Variants in DNAH2 observed in about 807,000 individuals in gnomAD.
The protein encoded by DNAH2 is axonemal beta dynein heavy chain 2.
In DNAH2, 323 loss-of-function variants were observed where a neutral mutation model predicts 523.5. That is an observed-to-expected ratio of 0.62 (90% CI 0.56 to 0.68). The LOEUF (loss-of-function observed/expected upper bound fraction) is 0.68. Among genes scored for constraint, DNAH2 ranks in the 30% least tolerant of loss-of-function variants. The probability of loss-of-function intolerance (pLI) is 0.00; values close to 1 mark genes in which losing one functional copy is unlikely to be tolerated. For synonymous variants in DNAH2, 2,093 were observed against 2,177.4 expected, an observed-to-expected ratio of 0.96 and a Z score of 1.08; for missense variants, 4,907 against 5,701.5, an observed-to-expected ratio of 0.86 and a Z score of 4.49.
rs1252877567 is a variant in DNAH2 at position 7,771,314 on chromosome 17, C to T, written c.4363-16C>T. 8.1e-6 allele frequency: 13 copies of T among 1,614,058 alleles called. No homozygotes were observed. Among genetic ancestry groups the T allele is most frequent in the Non-Finnish European group, 1.1e-5 (13 of 1,179,946 alleles). On this transcript the variant is annotated splice_polypyrimidine_tract_variant and intron_variant, in intron 27 of 85. Coordinates refer to ENST00000572933, the MANE Select transcript of DNAH2 (RefSeq NM_020877.5). The stretch of plus-strand genomic sequence containing the variant: ...TGTAAGAAGTGGCCTCTCACCCCAA[C>T]TTTTGGCCCCCTCAGAATATCTTCC...
chr17:7,738,521 G>A (rs1244064793), intron 8 of DNAH2, among the ~76,000 whole-genome samples: 1 of 152,012 alleles, frequency 6.6e-6, no homozygotes, highest in Non-Finnish European at 1.5e-5. Flanking sequence ...AGTAGAGACA[G>A]GGTTTCACCG....
chr17:7,770,431 T>C (rs2076283016), intron 25 of DNAH2, 23 bp downstream of exon 25: 2 of 1,611,370 alleles, frequency 1.2e-6, no homozygotes, highest in Non-Finnish European at 1.7e-6. Flanking sequence ...CCTCCCATGC[T>C]CCCACACCTC....
In DNAH2 at chr17:7,760,057, TG is replaced by T. The variant is rs1048204665; in HGVS notation, c.2785+123del. ...TACTGGGCCAGTCACCTCCCTGACC[TG>T]GGGAAAACTCAGGTCAAGGGGCCAG... On this transcript the variant is annotated intron_variant, in intron 17 of 85. Coordinates refer to ENST00000572933, the MANE Select transcript of DNAH2 (RefSeq NM_020877.5). This position sits in a 1 kb window ranked among gnomAD's most constrained non-coding sequence, Gnocchi z 4.0. The T allele has an allele frequency of 1.4e-5, 21 of 1,480,594 alleles. No individual in the cohort carries two copies. Among genetic ancestry groups the T allele is most frequent in the Non-Finnish European group, 1.5e-5 (16 of 1,080,710 alleles). 91.7% of individuals were successfully genotyped at this position (1,480,594 alleles called of 1,614,324 possible).
Position 7,805,269 on chromosome 17 carries a change from CAAG to C in DNAH2, c.9322_9324del (p.Lys3108del). ...TCCCCCAGGCCCTGGAGTCTCTGAA[CAAG>C]AAGGATATAGGAGAGATCAAGTCTT... On this transcript the variant is annotated inframe_deletion, in exon 61 of 86. Coordinates refer to ENST00000572933, the MANE Select transcript of DNAH2 (RefSeq NM_020877.5). 1.9e-6 allele frequency: 3 copies of C among 1,614,188 alleles called. No individual in the cohort carries two copies. Among genetic ancestry groups the C allele is most frequent in the Non-Finnish European group, 2.5e-6 (3 of 1,180,044 alleles).
At position 7,831,428 on chromosome 17, in the gene DNAH2, T is replaced by C. The variant is rs1285794719; in HGVS notation, c.12498T>C (p.Pro4166=). ...CCGCTGATGTGAAGCAGAAGATCCC[T>C]GAAATGATCGACTATGAGGGGACTC... ...ELAADVKQKI[P]EMIDYEGTQK... is the part of the protein sequence containing the mutation. Residue 4166 remains proline (P), a synonymous_variant, in exon 81 of 86, where the codon CCT becomes CCC. Transcript: ENST00000572933. This position sits in a 1 kb window ranked among gnomAD's most constrained non-coding sequence, Gnocchi z 4.2. 2.4e-5 allele frequency: 38 copies of C among 1,614,062 alleles called. No homozygotes were observed. Among genetic ancestry groups the C allele is most frequent in the Non-Finnish European group, 3.1e-5 (36 of 1,180,046 alleles).
intron 12 of DNAH2, among the ~76,000 whole-genome samples, chr17:7,747,056 C>G (rs1005721589): frequency 6.0e-5 from 9 of 151,156 alleles, no homozygotes; most frequent in African/African-American, 2.2e-4. Context: ...TATCCCCAAT[C>G]CCTAGAGGTA....
In DNAH2 at chr17:7,833,170, A is replaced by C; in HGVS notation, c.13078A>C (p.Met4360Leu). 1 of 1,609,728 alleles carries C rather than the reference A, an allele frequency of 6.2e-7. No homozygotes were observed. The highest frequency in any genetic ancestry group is 1.1e-5 in the South Asian group (1 of 91,074). ...EAEPMQLVCL[M>L]PTIHFRPAES... ...AGAGCCCATGCAGCTTGTCTGCCTC[A>C]TGCCCACGATCCACTTCCGGCCTGC... is the stretch of plus-strand genomic sequence containing the variant. The change falls in exon 85 of 86, where the codon ATG (methionine) becomes CTG (leucine). Residue 4360 changes from methionine (M) to leucine (L), a missense_variant. By Grantham distance (15) the Met-to-Leu change is conservative. Coordinates refer to ENST00000572933, the MANE Select transcript of DNAH2 (RefSeq NM_020877.5).
chr17:7,765,673 G>A, intron 21 of DNAH2, 108 bp downstream of exon 21: 2 of 1,318,264 alleles, frequency 1.5e-6, no homozygotes, highest in African/African-American at 1.5e-5. Context: ...AGGAGGGTCG[G>A]TGCTGGGGTG....
chr17:7,825,679 T>A (rs766716714), intron 77 of DNAH2, among the ~76,000 whole-genome samples: 7 of 152,228 alleles, frequency 4.6e-5, no homozygotes, highest in Non-Finnish European at 1.0e-4. Context: ...CGTTTCTCAT[T>A]CTACTTTCTC....
intron 11 of DNAH2, among the ~76,000 whole-genome samples, chr17:7,741,255 T>TTTCC (rs1486472593): frequency 2.6e-5 from 1 of 38,708 alleles, no homozygotes; most frequent in African/African-American, 1.6e-4. Flanking sequence ...TCTTTCTTTC[T>TTTCC]TTCTTTCTTT....
chr17:7,741,315 C>CCT lies in DNAH2; in HGVS notation c.1689+323_1689+324insCT, dbSNP rs1555540838. On this transcript the variant is annotated intron_variant, in intron 11 of 85. Transcript: ENST00000572933. ...CTTTCTTCCTTCCTTCCCTCCCTCC[C>CCT]TCCCTCCCTCCTTCCTTCCTTCCTT... Among the ~76,000 whole-genome samples the CCT allele has an allele frequency of 6.2e-4, 25 of 40,096 alleles. 1 individual carries two copies. Among genetic ancestry groups the CCT allele is most frequent in the South Asian group, 1.2e-3 (1 of 804 alleles). The allele number at this position is 40,096 out of a possible 152,430, so 26.3% of individuals were successfully genotyped here.
Position 7,833,134 on chromosome 17 carries a change from T to A in DNAH2, c.13042T>A (p.Leu4348Met). The change falls in exon 85 of 86, where the codon TTG becomes ATG. Residue 4348 changes from leucine (L) to methionine (M), a missense_variant. By Grantham distance (15) the Leu-to-Met change is conservative (BLOSUM62 2). Around this residue, in one of 3 missense-constraint regions of DNAH2, gnomAD observed 1,851 missense variants for 2,139.4 expected, o/e 0.87. Transcript: ENST00000572933. ...TGGCTGGGACCGGAAGAACTCCTGC[T>A]TGGTGGAGGCAGAGCCCATGCAGCT... The part of the protein sequence containing the change: ...GAGWDRKNSC[L>M]VEAEPMQLVC... The A allele has an allele frequency of 6.2e-7, 1 of 1,612,270 alleles. No individual in the cohort carries two copies. Among genetic ancestry groups the A allele is most frequent in the African/African-American group, 1.3e-5 (1 of 75,052 alleles).
chr17:7,780,847 A>G lies in DNAH2; in HGVS notation c.6003+65A>G. ...TCACTGGACCTATGTCACTTCTCTC[A>G]AGTCTTTCAGACCCTTTCTTTCCTC... On this transcript the variant is annotated intron_variant, in intron 38 of 85. Transcript: ENST00000572933. The surrounding 1 kb of genome is among the most constrained non-coding windows in gnomAD (Gnocchi z 4.4). The G allele has an allele frequency of 6.2e-7, 1 of 1,607,714 alleles. No homozygotes were observed. Among genetic ancestry groups the G allele is most frequent in the Non-Finnish European group, 8.5e-7 (1 of 1,176,192 alleles).
Position 7,831,870 on chromosome 17 carries a change from A to C in DNAH2, c.12726+95A>C. The C allele has an allele frequency of 1.8e-6, 2 of 1,132,360 alleles. No homozygotes were observed. The highest frequency in any genetic ancestry group is 2.5e-6 in the Non-Finnish European group (2 of 798,990). The allele number at this position is 1,132,360 out of a possible 1,614,324, so 70.1% of individuals were successfully genotyped here. A position where few individuals can be genotyped will look rare whatever the true frequency, so the allele number is the denominator to read the frequency against. On this transcript the variant is annotated intron_variant, in intron 82 of 85. Coordinates refer to ENST00000572933, the MANE Select transcript of DNAH2 (RefSeq NM_020877.5). The surrounding 1 kb of genome is among the most constrained non-coding windows in gnomAD (Gnocchi z 4.2). ...CCTGGTTCTAGGTGGGCATAAAGCA[A>C]ACTGCAGAGAGCCGAAACTTTGAAG...
chr17:7,831,483 C>T lies in DNAH2; in HGVS notation c.12553C>T (p.Leu4185Phe). Reference protein sequence around the residue: ...QKLLALDPSPLNVVLLQEIQR... With the variant: ...QKLLALDPSPFNVVLLQEIQR... Reference sequence around the variant, plus strand: ...ACTGCTAGCTCTCGACCCCTCCCCCCTCAATGTGGTCCTTCTGCAGGAGAT... The same window carrying T: ...ACTGCTAGCTCTCGACCCCTCCCCCTTCAATGTGGTCCTTCTGCAGGAGAT... The change falls in exon 81 of 86, where the codon CTC (leucine) becomes TTC (phenylalanine). Residue 4185 changes from leucine (L) to phenylalanine (F), a missense_variant. By Grantham distance (22) the Leu-to-Phe change is conservative. Transcript: ENST00000572933. This position sits in a 1 kb window ranked among gnomAD's most constrained non-coding sequence, Gnocchi z 4.2. 6.2e-7 allele frequency: 1 copy of T among 1,614,180 alleles called. No homozygotes were observed. Among genetic ancestry groups the T allele is most frequent in the Non-Finnish European group, 8.5e-7 (1 of 1,180,042 alleles).
chr17:7,770,773 A>G lies in DNAH2; in HGVS notation c.4202A>G (p.Gln1401Arg), dbSNP rs1727637111. The change falls in exon 27 of 86, where the codon CAG (glutamine) becomes CGG (arginine). Residue 1401 changes from glutamine to arginine, a missense_variant. Coordinates refer to ENST00000572933, the MANE Select transcript of DNAH2 (RefSeq NM_020877.5). ...HRLRGTEEVF[Q>R]ALEDNQVALS... ...CTCAGAGGTACAGAAGAAGTATTCCAGGCACTGGAAGATAACCAGGTAGCT... is the reference window on the plus strand; with the variant it reads ...CTCAGAGGTACAGAAGAAGTATTCCGGGCACTGGAAGATAACCAGGTAGCT... 6.2e-7 allele frequency: 1 copy of G among 1,614,202 alleles called. No individual in the cohort carries two copies. The highest frequency in any genetic ancestry group is 8.5e-7 in the Non-Finnish European group (1 of 1,180,032).
chr17:7,774,858 T>C lies in DNAH2; in HGVS notation c.4601T>C (p.Phe1534Ser), dbSNP rs1411499114. The C allele has an allele frequency of 2.5e-6, 4 of 1,614,126 alleles. No homozygotes were observed. Among genetic ancestry groups the C allele is most frequent in the Non-Finnish European group, 3.4e-6 (4 of 1,180,058 alleles). The change falls in exon 29 of 86, where the codon TTC becomes TCC. Residue 1534 changes from phenylalanine to serine, a missense_variant. Transcript: ENST00000572933. ...ACCAAGCGACATATTTTCCCCCGCT[T>C]CTACTTCTTGTCCAATGATGACCTG... ...LETKRHIFPR[F>S]YFLSNDDLLE... is the part of the protein sequence containing the mutation.
At chr17:7,817,883 C>A (rs542108244) in intron 67 of DNAH2, 27 bp downstream of exon 67, 131 of 1,573,818 alleles carry the variant, frequency 8.3e-5, no homozygotes, top group South Asian at 1.1e-4. Flanking sequence ...TCAGGTTAGC[C>A]CCCCCCTTCC....
rs201887768 is a variant in DNAH2, at chr17:7,779,276, C to T, written c.5575C>T (p.Arg1859Cys). The T allele has an allele frequency of 6.6e-5, 107 of 1,614,158 alleles. No homozygotes were observed. The highest frequency in any genetic ancestry group is 2.2e-4 in the Admixed American group (13 of 60,032). ...GAWGCFDEFN[R>C]INIEVLSVVA... ...TTGGGGCTGCTTTGATGAGTTTAAC[C>T]GCATCAACATCGAGGTGCTGTCAGT... Residue 1859 changes from arginine to cysteine, a missense_variant, in exon 36 of 86, where the codon CGC becomes TGC. By Grantham distance (180) the Arg-to-Cys change is radical (BLOSUM62 -3). Coordinates refer to ENST00000572933, the MANE Select transcript of DNAH2 (RefSeq NM_020877.5).
Sources: gnomAD v4.1 joint callset for allele counts (sites outside exome capture counted in the v4.1 genomes callset) on GRCh38, gnomAD v4.1.1 for gene constraint, gnomAD v4.1.1 regional missense constraint, Gnocchi (gnomAD v3.1) non-coding constraint, MANE v1.5 for transcripts, NCBI Gene and HGNC (gene_info 2026-07-23, HGNC 2026-07-21) for gene names.